The following CADM2 variants were observed in gnomAD, a reference collection of about 807,000 sequenced individuals.
The protein encoded by CADM2 is immunoglobulin superfamily member 4D.
CADM2 carries 12 observed loss-of-function variants against 49.8 expected under a neutral mutation model. The ratio of observed to expected loss-of-function variants is 0.24; its 90% CI spans 0.15 to 0.39. The LOEUF (loss-of-function observed/expected upper bound fraction) is 0.39, where lower values mean the gene tolerates loss of function less well. CADM2 is among the 10% of genes least tolerant of loss of function. The pLI, the probability that CADM2 is intolerant of heterozygous loss-of-function variation, is 1.00. For synonymous variants in CADM2, 214 were observed against 175.4 expected (o/e 1.22, Z -1.74); for missense variants, 378 against 492.3 (o/e 0.77, Z 2.20).
At chr3:85,545,219 AG>A (rs1489362693) in intron 1 of CADM2, among the ~76,000 whole-genome samples, 1 of 152,198 alleles carries the variant, frequency 6.6e-6, no homozygotes, top group Admixed American at 6.5e-5. Flanking sequence ...CTATGACTAC[AG>A]GAAACATTAA....
intron 1 of CADM2, among the ~76,000 whole-genome samples, chr3:85,438,371 A>G (rs2037031813): frequency 6.6e-6 from 1 of 152,034 alleles, no homozygotes; most frequent in South Asian, 2.1e-4. Flanking sequence ...TTTGAAAAAA[A>G]AAAAACACGT....
intron 1 of CADM2, among the ~76,000 whole-genome samples, chr3:85,221,354 C>T (rs1046645571): frequency 7.9e-5 from 12 of 152,030 alleles, no homozygotes; most frequent in African/African-American, 2.9e-4. Context: ...AGTATTTGCT[C>T]TGCTAGTACA....
chr3:85,549,101 A>G (rs2061735892), intron 1 of CADM2, among the ~76,000 whole-genome samples: 1 of 152,310 alleles, frequency 6.6e-6, no homozygotes, highest in Middle Eastern at 3.4e-3. Context: ...CTCTAAGTGG[A>G]AAGCTGCAGG....
At position 85,321,116 on chromosome 3, in the gene CADM2, ATTTTTTTTTTTTTTTTTT is replaced by A. The variant is rs1157576505; in HGVS notation, c.61+361481_61+361498del. 5.6e-3 allele frequency among the ~76,000 whole-genome samples: 153 copies of A among 27,454 alleles called. 3 individuals are homozygous for A. Among genetic ancestry groups the A allele is most frequent in the Non-Finnish European group, 7.7e-3 (117 of 15,246 alleles). 18.0% of individuals were successfully genotyped at this position (27,454 alleles called of 152,430 possible). A position where few individuals can be genotyped will look rare whatever the true frequency, so the allele number is the denominator to read the frequency against. ...CATATATATATATATATATATATAT[ATTTTTTTTTTTTTTTTTT>A]TTTTTTTTTTTTTTTTTTTTTTTTT... On this transcript the variant is annotated intron_variant, in intron 1 of 9. Coordinates refer to ENST00000383699, the MANE Select transcript of CADM2 (RefSeq NM_001167675.2).
chr3:85,118,433 G>T (rs1575909846), intron 1 of CADM2, among the ~76,000 whole-genome samples: 1 of 152,080 alleles, frequency 6.6e-6, no homozygotes, highest in South Asian at 2.1e-4. Flanking sequence ...CACGTAGCTG[G>T]GGAGGCCTTA....
chr3:85,000,114 T>TTC (rs59094520), intron 1 of CADM2, among the ~76,000 whole-genome samples: 25,254 of 136,672 alleles, frequency 0.18, 2,261 homozygotes, highest in Admixed American at 0.25. Context: ...TGCTTCTACT[T>TTC]TCTCTCTCTC....
chr3:85,432,219 A>G (rs1039204707), intron 1 of CADM2, among the ~76,000 whole-genome samples: 1 of 151,906 alleles, frequency 6.6e-6, no homozygotes, highest in African/African-American at 2.4e-5. Context: ...TACATTCAGA[A>G]GTATCAGTCC....
intron 3 of CADM2, among the ~76,000 whole-genome samples, chr3:85,853,547 A>C (rs1434597641): frequency 6.6e-6 from 1 of 152,060 alleles, no homozygotes; most frequent in Non-Finnish European, 1.5e-5. Context: ...AATGGCCATG[A>C]CATGCATGTT....
chr3:85,568,889 G>A (rs562408076), intron 1 of CADM2, among the ~76,000 whole-genome samples: 3 of 151,990 alleles, frequency 2.0e-5, no homozygotes, highest in African/African-American at 4.8e-5. Flanking sequence ...TATTCTGAAC[G>A]TTTTATATGA....
At chr3:85,324,278 C>T (rs553180549) in intron 1 of CADM2, among the ~76,000 whole-genome samples, 15 of 152,204 alleles carry the variant, frequency 9.9e-5, no homozygotes, top group South Asian at 2.1e-4. Flanking sequence ...TATAGGAATA[C>T]TGAAACTCAA....
At chr3:85,737,993 C>A (rs1045206117) in intron 2 of CADM2, among the ~76,000 whole-genome samples, 1 of 152,132 alleles carries the variant, frequency 6.6e-6, no homozygotes, top group Non-Finnish European at 1.5e-5. Context: ...GCACTGAGTT[C>A]ACTTAATAAG....
chr3:85,190,373 A>G (rs1292484618), intron 1 of CADM2, among the ~76,000 whole-genome samples: 1 of 151,702 alleles, frequency 6.6e-6, no homozygotes, highest in Non-Finnish European at 1.5e-5. Context: ...TCTTTTTTTC[A>G]TATTCTGAAA....
At chr3:85,536,046 A>G (rs1309221851) in intron 1 of CADM2, among the ~76,000 whole-genome samples, 3 of 152,120 alleles carry the variant, frequency 2.0e-5, no homozygotes, top group Non-Finnish European at 2.9e-5. Flanking sequence ...GAAAAAATAT[A>G]TAGTATTAGG....
intron 1 of CADM2, among the ~76,000 whole-genome samples, chr3:85,365,791 C>G (rs1559802381): frequency 6.6e-6 from 1 of 152,108 alleles, no homozygotes; most frequent in Non-Finnish European, 1.5e-5. Flanking sequence ...AAAAATTGAA[C>G]TTTTTCCTCT....
chr3:85,046,058 C>T (rs576356546), intron 1 of CADM2, among the ~76,000 whole-genome samples: 5 of 152,078 alleles, frequency 3.3e-5, no homozygotes, highest in South Asian at 4.1e-4. Flanking sequence ...TTGTATGTAG[C>T]GGTTTATGCA....
intron 3 of CADM2, among the ~76,000 whole-genome samples, chr3:85,809,551 G>A (rs1577362091): frequency 6.6e-6 from 1 of 151,754 alleles, no homozygotes; most frequent in Non-Finnish European, 1.5e-5. Flanking sequence ...ATATAGCCTG[G>A]GCAACACAGA....
At chr3:85,266,110 G>A (rs934075506) in intron 1 of CADM2, among the ~76,000 whole-genome samples, 5 of 151,782 alleles carry the variant, frequency 3.3e-5, no homozygotes, top group Non-Finnish European at 5.9e-5. Context: ...TCTTCATCAC[G>A]CTATGCTCTG....
intron 7 of CADM2, among the ~76,000 whole-genome samples, chr3:85,960,407 A>G (rs989107878): frequency 6.6e-6 from 1 of 151,960 alleles, no homozygotes; most frequent in Non-Finnish European, 1.5e-5. Context: ...TGCTGAAATT[A>G]GAAAACTTTC....
intron 3 of CADM2, among the ~76,000 whole-genome samples, chr3:85,842,319 C>A (rs925598878): frequency 6.6e-6 from 1 of 152,110 alleles, no homozygotes; most frequent in Non-Finnish European, 1.5e-5. Flanking sequence ...AGATGAGGAA[C>A]AACAGCTGAG....
Sources: allele counts gnomAD v4.1 joint callset (sites outside exome capture counted in the v4.1 genomes callset), GRCh38; gene constraint gnomAD v4.1.1; transcripts MANE v1.5; gene names NCBI Gene and HGNC (gene_info 2026-07-23, HGNC 2026-07-21).